The following KCNJ5 variants were observed in gnomAD, a reference collection of about 807,000 sequenced individuals.
KCNJ5 encodes potassium inwardly rectifying channel subfamily J member 5.
A neutral mutation model predicts 20.2 loss-of-function variants in KCNJ5; 12 were observed. The observed-to-expected ratio is 0.59, with a 90% CI of 0.38 to 0.96. The LOEUF is 0.96. Among genes scored for constraint, KCNJ5 ranks in the 40% least tolerant of loss-of-function variants. KCNJ5 has a pLI of 0.00. For missense variants in KCNJ5, 449 were observed against 557.6 expected, an observed-to-expected ratio of 0.81 and a Z score of 1.96; for synonymous variants, 210 against 213.9, an observed-to-expected ratio of 0.98 and a Z score of 0.16.
Position 128,916,902 on chromosome 11 carries a change from C to G in KCNJ5, c.*171C>G. On this transcript the variant is annotated 3_prime_UTR_variant, in exon 3 of 3. Coordinates refer to ENST00000529694, the MANE Select transcript of KCNJ5 (RefSeq NM_000890.5). ...GCCCTCACAGCTCCCAGCACAGGGC[C>G]TCCCTGAGCCAGTGGCATCCTGCCT... The G allele has an allele frequency of 1.7e-6, 1 of 601,366 alleles. No homozygotes were observed. The highest frequency in any genetic ancestry group is 1.9e-5 in the African/African-American group (1 of 54,016). The allele number at this position is 601,366 out of a possible 1,614,324, so 37.3% of individuals were successfully genotyped here.
In KCNJ5 at chr11:128,916,983, A is replaced by T. The variant is rs974311938; in HGVS notation, c.*252A>T. ...GGTGCTGGCTAAGGGCCAGGCCAGG[A>T]TGAGTTTCCCCATGGTGAATGTTAC... is the stretch of plus-strand genomic sequence containing the variant. On this transcript the variant is annotated 3_prime_UTR_variant, in exon 3 of 3. Coordinates refer to ENST00000529694, the MANE Select transcript of KCNJ5 (RefSeq NM_000890.5). The T allele has an allele frequency of 1.5e-5, 7 of 468,240 alleles. No homozygotes were observed. Among genetic ancestry groups the T allele is most frequent in the Middle Eastern group, 5.5e-4 (1 of 1,832 alleles). 29.0% of individuals were successfully genotyped at this position (468,240 alleles called of 1,614,324 possible).
chr11:128,916,674 TGAA>T lies in KCNJ5; in HGVS notation c.1209_1211del (p.Glu403del). The T allele has an allele frequency of 6.2e-7, 1 of 1,611,540 alleles. No individual in the cohort carries two copies. The highest frequency in any genetic ancestry group is 8.5e-7 in the Non-Finnish European group (1 of 1,179,054). ...GGCTGGATGCAGAGGCTGAGCAGAA[TGAA>T]GAAGATGAGCCCAAGGGGCTGGGTG... On this transcript the variant is annotated inframe_deletion, in exon 3 of 3. Coordinates refer to ENST00000529694, the MANE Select transcript of KCNJ5 (RefSeq NM_000890.5).
intron 1 of KCNJ5, chr11:128,902,281 C>A: frequency 1.9e-6 from 1 of 519,240 alleles, no homozygotes. Context: ...CAGGAGGCCA[C>A]CTGATCCGCC....
intron 1 of KCNJ5, among the ~76,000 whole-genome samples, chr11:128,893,637 T>G (rs1451320323): frequency 6.6e-6 from 1 of 152,104 alleles, no homozygotes; most frequent in African/African-American, 2.4e-5. Context: ...GGCAGCATTT[T>G]TTAAGTAGCC....
rs142140011 is a variant in KCNJ5, at chr11:128,911,362, G to A, written c.89G>A (p.Arg30His). The A allele has an allele frequency of 9.3e-6, 15 of 1,614,192 alleles. No homozygotes were observed. Among genetic ancestry groups the A allele is most frequent in the Admixed American group, 5.0e-5 (3 of 60,028 alleles). The change falls in exon 2 of 3, where the codon CGC (arginine) becomes CAC (histidine). Residue 30 changes from arginine (R) to histidine (H), a missense_variant. Around this residue, in one of 5 missense-constraint regions of KCNJ5, gnomAD observed 203 missense variants for 258.0 expected, o/e 0.79. Transcript: ENST00000529694. The surrounding 1 kb of genome is among the most constrained non-coding windows in gnomAD (Gnocchi z 6.3). ...WDPKKIPKQA[R>H]DYVPIATDRT... ...CCCAAGAAGATTCCAAAACAGGCCCGCGATTATGTCCCCATTGCCACAGAC... is the reference window on the plus strand; with the variant it reads ...CCCAAGAAGATTCCAAAACAGGCCCACGATTATGTCCCCATTGCCACAGAC...
chr11:128,915,826 G>T (rs911876977), intron 2 of KCNJ5, among the ~76,000 whole-genome samples: 2 of 149,666 alleles, frequency 1.3e-5, no homozygotes, highest in African/African-American at 5.0e-5. Context: ...TGGATGGATG[G>T]ATGGATGGAT....
At chr11:128,901,371 C>T (rs1565544998) in intron 1 of KCNJ5, 1 of 151,912 alleles carries the variant, frequency 6.6e-6, no homozygotes, top group Admixed American at 6.6e-5. Flanking sequence ...GCACCCAGTC[C>T]AGAGTAGTGC....
chr11:128,895,174 G>T (rs61910649), intron 1 of KCNJ5, among the ~76,000 whole-genome samples: 12 of 152,124 alleles, frequency 7.9e-5, no homozygotes, highest in Admixed American at 3.3e-4. Context: ...GTGACTTGGC[G>T]GTCCGGGGCT....
At position 128,916,537 on chromosome 11, in the gene KCNJ5, G is replaced by A. The variant is rs1944585280; in HGVS notation, c.1066G>A (p.Glu356Lys). 1 of 1,614,058 alleles carries A rather than the reference G, an allele frequency of 6.2e-7. No individual in the cohort carries two copies. Among genetic ancestry groups the A allele is most frequent in the Non-Finnish European group, 8.5e-7 (1 of 1,180,046 alleles). ...VDYNTFHDTY[E>K]TNTPSCCAKE... Reference sequence around the variant, plus strand: ...CTACAACACCTTCCATGATACCTATGAGACCAACACACCCAGCTGCTGTGC... The same window carrying A: ...CTACAACACCTTCCATGATACCTATAAGACCAACACACCCAGCTGCTGTGC... Residue 356 changes from glutamate to lysine, a missense_variant, in exon 3 of 3, where the codon GAG (glutamate) becomes AAG (lysine). Physicochemically the swap from Glu to Lys is moderately conservative, Grantham distance 56 (BLOSUM62 1). Coordinates refer to ENST00000529694, the MANE Select transcript of KCNJ5 (RefSeq NM_000890.5).
At chr11:128,915,046 G>A (rs528871203) in intron 2 of KCNJ5, among the ~76,000 whole-genome samples, 259 of 152,388 alleles carry the variant, frequency 1.7e-3, no homozygotes, top group African/African-American at 6.1e-3. Flanking sequence ...GGGCTGAGAA[G>A]CAGCCTTGGA....
intron 1 of KCNJ5, among the ~76,000 whole-genome samples, chr11:128,893,778 T>A (rs1440434397): frequency 6.6e-6 from 1 of 152,240 alleles, no homozygotes; most frequent in Non-Finnish European, 1.5e-5. Context: ...TTCTCTGGGA[T>A]GAAGTCAGAT....
intron 1 of KCNJ5, chr11:128,900,343 C>T (rs544926307): frequency 6.6e-6 from 1 of 152,290 alleles, no homozygotes; most frequent in African/African-American, 2.4e-5. Flanking sequence ...ATGGTGACCT[C>T]TCAGTATTTT....
intron 2 of KCNJ5, 78 bp downstream of exon 2, chr11:128,912,288 G>T: frequency 8.6e-7 from 1 of 1,159,852 alleles, no homozygotes; most frequent in Non-Finnish European, 1.3e-6. Context: ...TCCAGAAGAT[G>T]CAGGTCTGTG....
intron 1 of KCNJ5, among the ~76,000 whole-genome samples, chr11:128,910,189 A>G (rs1944476182): frequency 6.6e-6 from 1 of 152,192 alleles, no homozygotes; most frequent in East Asian, 1.9e-4. Flanking sequence ...TCCCAACTGA[A>G]TGAGAGTCTT....
intron 1 of KCNJ5, among the ~76,000 whole-genome samples, chr11:128,898,920 T>A (rs1431490844): frequency 6.6e-6 from 1 of 152,252 alleles, no homozygotes; most frequent in African/African-American, 2.4e-5. Flanking sequence ...CCCCAGGTAA[T>A]CCGCCTGCCT....
intron 2 of KCNJ5, among the ~76,000 whole-genome samples, chr11:128,914,938 G>A (rs924684678): frequency 6.6e-6 from 1 of 152,232 alleles, no homozygotes; most frequent in Non-Finnish European, 1.5e-5. Context: ...CAAGGCTGTG[G>A]GGACAACAAG....
At chr11:128,904,589 C>T (rs1283737190) in intron 1 of KCNJ5, 6 of 892,702 alleles carry the variant, frequency 6.7e-6, no homozygotes, top group Non-Finnish European at 1.1e-5. Context: ...TTAGCAAAAC[C>T]GCGGACTCTG....
At chr11:128,914,185 C>T (rs972058938) in intron 2 of KCNJ5, among the ~76,000 whole-genome samples, 1 of 152,242 alleles carries the variant, frequency 6.6e-6, no homozygotes. Context: ...GGAAGAACTC[C>T]ACTCTGAAGC....
Position 128,911,010 on chromosome 11 carries a change from C to T in KCNJ5, c.-10-254C>T, listed in dbSNP as rs985860435. Among the ~76,000 whole-genome samples, 8 of 152,160 alleles carry T rather than the reference C, an allele frequency of 5.3e-5. No individual in the cohort carries two copies. Among genetic ancestry groups the T allele is most frequent in the African/African-American group, 1.9e-4 (8 of 41,428 alleles). On this transcript the variant is annotated intron_variant, in intron 1 of 2. Coordinates refer to ENST00000529694, the MANE Select transcript of KCNJ5 (RefSeq NM_000890.5). The surrounding 1 kb of genome is among the most constrained non-coding windows in gnomAD (Gnocchi z 6.3). Reference sequence around the variant, plus strand: ...TCAACACTTAATGTGTAGTTTGCACCTAGATATTGTTCATTTATTCATTCA... The same window carrying T: ...TCAACACTTAATGTGTAGTTTGCACTTAGATATTGTTCATTTATTCATTCA...
Sources: allele counts gnomAD v4.1 joint callset (sites outside exome capture counted in the v4.1 genomes callset), GRCh38; gene constraint gnomAD v4.1.1; regional missense constraint gnomAD v4.1.1; non-coding constraint Gnocchi (gnomAD v3.1); transcripts MANE v1.5; gene names NCBI Gene and HGNC (gene_info 2026-07-23, HGNC 2026-07-21).